CCSER1: variants seen among roughly 807,000 people sequenced by gnomAD.
The protein encoded by CCSER1 is coiled-coil serine rich protein 1.
A neutral mutation model predicts 82.0 loss-of-function variants in CCSER1; 41 were observed. The ratio of observed to expected loss-of-function variants is 0.50; its 90% confidence interval spans 0.39 to 0.65. The LOEUF is 0.65. Ranked by LOEUF, CCSER1 falls within the 30% of genes least tolerant of loss-of-function variation. CCSER1 has a pLI of 0.00. For missense variants in CCSER1, 1,119 were observed against 1,064.2 expected (o/e 1.05, Z -0.72); for synonymous variants, 414 against 383.9 (o/e 1.08, Z -0.92).
chr4:90,659,469 C>G (rs534644918), intron 6 of CCSER1, among the ~76,000 whole-genome samples: 1 of 151,984 alleles, frequency 6.6e-6, no homozygotes, highest in Non-Finnish European at 1.5e-5. Flanking sequence ...GTCATCCCCC[C>G]AAAATTGTAT....
At chr4:91,032,466 G>A (rs917535162) in intron 9 of CCSER1, among the ~76,000 whole-genome samples, 4 of 152,158 alleles carry the variant, frequency 2.6e-5, no homozygotes, top group Non-Finnish European at 5.9e-5. Flanking sequence ...CTAGCAACGT[G>A]TACGATTGCA....
intron 5 of CCSER1, among the ~76,000 whole-genome samples, chr4:90,492,309 G>A (rs868460317): frequency 3.3e-5 from 5 of 152,222 alleles, no homozygotes; most frequent in African/African-American, 4.8e-5. Flanking sequence ...TTGCATAGAG[G>A]TGTTTATAGT....
intron 7 of CCSER1, among the ~76,000 whole-genome samples, chr4:90,741,130 T>C (rs1580245828): frequency 1.3e-5 from 2 of 152,140 alleles, no homozygotes; most frequent in Non-Finnish European, 2.9e-5. Context: ...ATGTAAAGGA[T>C]AGGTGTTGAA....
intron 10 of CCSER1, among the ~76,000 whole-genome samples, chr4:91,322,814 G>A (rs1428157924): frequency 6.6e-6 from 1 of 152,074 alleles, no homozygotes; most frequent in African/African-American, 2.4e-5. Flanking sequence ...AGAAAACCCA[G>A]GTAGTGTGAT....
At chr4:91,300,213 A>C (rs34688447) in intron 10 of CCSER1, among the ~76,000 whole-genome samples, 8,537 of 152,068 alleles carry the variant, frequency 0.056, 317 homozygotes, top group Non-Finnish European at 0.082. Flanking sequence ...TATATGAACT[A>C]TAATTATTTG....
chr4:90,939,159 A>G (rs1328382579), intron 9 of CCSER1, among the ~76,000 whole-genome samples: 1 of 152,140 alleles, frequency 6.6e-6, no homozygotes, highest in Non-Finnish European at 1.5e-5. Context: ...CTTCCATCTT[A>G]GTAGGACATT....
At chr4:90,642,305 C>G (rs1039146) in intron 6 of CCSER1, 131,874 of 154,904 alleles carry the variant, frequency 0.85, 56,158 homozygotes, top group East Asian at 0.91. Context: ...GATGTTACAA[C>G]TTTAGATAAC....
intron 1 of CCSER1, among the ~76,000 whole-genome samples, chr4:90,265,207 G>A (rs1243907924): frequency 2.0e-5 from 3 of 151,434 alleles, no homozygotes; most frequent in Non-Finnish European, 1.5e-5. Flanking sequence ...TATTCCTGAG[G>A]CAATATTTTT....
At chr4:90,256,191 A>G (rs1208472899) in intron 1 of CCSER1, among the ~76,000 whole-genome samples, 1 of 152,176 alleles carries the variant, frequency 6.6e-6, no homozygotes, top group East Asian at 1.9e-4. Context: ...TGGAGGAGCC[A>G]ATTCCTATAG....
intron 4 of CCSER1, among the ~76,000 whole-genome samples, chr4:90,452,841 C>A (rs1053714346): frequency 6.6e-6 from 1 of 152,138 alleles, no homozygotes; most frequent in Non-Finnish European, 1.5e-5. Flanking sequence ...GAAAGAAGGA[C>A]ATGGGCTTGA....
chr4:90,463,094 A>G (rs921050173), intron 4 of CCSER1, among the ~76,000 whole-genome samples: 1 of 152,156 alleles, frequency 6.6e-6, no homozygotes, highest in East Asian at 1.9e-4. Flanking sequence ...TTTTGATGCA[A>G]TTCTTTCACA....
rs1438329350 is a variant in CCSER1, at chr4:91,013,464, CTT to C, written c.2173-72484_2173-72483del. 1.5e-5 allele frequency among the ~76,000 whole-genome samples: 2 copies of C among 133,394 alleles called. 1 individual carries two copies. Among genetic ancestry groups the C allele is most frequent in the Non-Finnish European group, 3.5e-5 (2 of 57,552 alleles). The allele number at this position is 133,394 out of a possible 152,430, so 87.5% of individuals were successfully genotyped here. The stretch of plus-strand genomic sequence containing the variant: ...TGCCAGTACCACACTGATTAGATTA[CTT>C]TAACATTGTAATATGATTTGAAACC... On this transcript the variant is annotated intron_variant, in intron 9 of 10. Transcript: ENST00000509176.
intron 7 of CCSER1, among the ~76,000 whole-genome samples, chr4:90,800,711 G>C (rs996192930): frequency 1.5e-5 from 2 of 132,222 alleles, no homozygotes; most frequent in Admixed American, 7.5e-5. Context: ...GTTCCAAATC[G>C]ATTTTTAATG....
intron 4 of CCSER1, among the ~76,000 whole-genome samples, chr4:90,423,782 G>A (rs1222655239): frequency 6.6e-6 from 1 of 150,944 alleles, no homozygotes; most frequent in Non-Finnish European, 1.5e-5. Context: ...AGGCCTAGGT[G>A]GTTCTTTTTT....
intron 5 of CCSER1, among the ~76,000 whole-genome samples, chr4:90,561,683 T>C (rs1670338956): frequency 6.6e-6 from 1 of 152,216 alleles, no homozygotes; most frequent in Non-Finnish European, 1.5e-5. Flanking sequence ...CCCTGTTATA[T>C]GCAATAGTGT....
chr4:91,174,993 C>A (rs548680450), intron 10 of CCSER1, among the ~76,000 whole-genome samples: 36 of 152,082 alleles, frequency 2.4e-4, no homozygotes, highest in Non-Finnish European at 4.9e-4. Context: ...CCACAACAGG[C>A]CCCAGTGTGT....
At chr4:91,183,116 A>T (rs766909009) in intron 10 of CCSER1, among the ~76,000 whole-genome samples, 3 of 152,266 alleles carry the variant, frequency 2.0e-5, no homozygotes, top group African/African-American at 4.8e-5. Context: ...AAATGGGTGC[A>T]TTCTACTTCT....
chr4:90,421,531 A>T (rs28447973), intron 4 of CCSER1, among the ~76,000 whole-genome samples: 452 of 152,304 alleles, frequency 3.0e-3, no homozygotes, highest in African/African-American at 0.011. Flanking sequence ...CCTTGACTGA[A>T]TTCTGGTAGT....
At chr4:91,155,661 A>G (rs1730741032) in intron 10 of CCSER1, among the ~76,000 whole-genome samples, 1 of 151,966 alleles carries the variant, frequency 6.6e-6, no homozygotes, top group South Asian at 2.1e-4. Flanking sequence ...TTTACTTGCT[A>G]TATCTTCACA....
Sources: gnomAD v4.1 joint callset for allele counts (sites outside exome capture counted in the v4.1 genomes callset) on GRCh38, gnomAD v4.1.1 for gene constraint, MANE v1.5 for transcripts, NCBI Gene and HGNC (gene_info 2026-07-23, HGNC 2026-07-21) for gene names.